Variants in PCP4L1 observed in about 807,000 individuals in gnomAD.
PCP4L1 encodes Purkinje cell protein 4 like 1, also known as Purkinje cell protein 4-like protein 1.
Under a neutral mutation model 9.6 loss-of-function variants are expected in PCP4L1, and 9 were observed. The observed-to-expected ratio is 0.94, with a 90% CI of 0.57 to 1.64. The LOEUF (loss-of-function observed/expected upper bound fraction) is 1.64. Among genes scored for constraint, PCP4L1 ranks in the 40% most tolerant of loss-of-function variants. The pLI, the probability that PCP4L1 is intolerant of heterozygous loss-of-function variation, is 0.00. For synonymous variants in PCP4L1, 31 were observed against 28.2 expected, an observed-to-expected ratio of 1.10 and a Z score of -0.31; for missense variants, 81 against 80.8, an observed-to-expected ratio of 1.00 and a Z score of -0.01.
chr1:161,279,084 A>G (rs1669752381), intron 1 of PCP4L1, among the ~76,000 whole-genome samples: 1 of 152,210 alleles, frequency 6.6e-6, no homozygotes. Flanking sequence ...CATCTGGCCC[A>G]TGATGATTTT....
At chr1:161,281,974 C>T (rs2102243066) in intron 1 of PCP4L1, among the ~76,000 whole-genome samples, 1 of 152,278 alleles carries the variant, frequency 6.6e-6, no homozygotes, top group Middle Eastern at 3.4e-3. Flanking sequence ...TCCTCACTTC[C>T]CAGATGGGGT....
In PCP4L1 at chr1:161,258,922, C is replaced by T; in HGVS notation, c.-53C>T. 6.5e-7 allele frequency: 1 copy of T among 1,535,108 alleles called. No homozygotes were observed. The highest frequency in any genetic ancestry group is 8.7e-7 in the Non-Finnish European group (1 of 1,146,306). ...CTGTCGCCCGCGGAGCCCCGAGGGC[C>T]ACTCGCCTCACCTGTGCGTGCAGCG... is the stretch of plus-strand genomic sequence containing the variant. On this transcript the variant is annotated 5_prime_UTR_variant, in exon 1 of 3. Coordinates refer to ENST00000504449, the MANE Select transcript of PCP4L1 (RefSeq NM_001102566.2).
At chr1:161,282,252 C>G (rs557937572) in intron 1 of PCP4L1, among the ~76,000 whole-genome samples, 36 of 152,178 alleles carry the variant, frequency 2.4e-4, no homozygotes, top group African/African-American at 7.9e-4. Flanking sequence ...TCAGGCGTGG[C>G]GGCGCGCGCC....
Position 161,285,340 on chromosome 1 carries a change from T to C in PCP4L1, c.*859T>C, listed in dbSNP as rs930336689. 6.6e-6 allele frequency: 1 copy of C among 152,400 alleles called. No individual in the cohort carries two copies. Among genetic ancestry groups the C allele is most frequent in the African/African-American group, 2.4e-5 (1 of 41,440 alleles). The allele number at this position is 152,400 out of a possible 1,614,324, so 9.4% of individuals were successfully genotyped here. On this transcript the variant is annotated 3_prime_UTR_variant, in exon 3 of 3. Coordinates refer to ENST00000504449, the MANE Select transcript of PCP4L1 (RefSeq NM_001102566.2). ...ACCAAGTGACTCCTGTAGTTCCCAT[T>C]TGCCCCACTATGGAGTCAGGGCAAA...
At chr1:161,263,761 T>C (rs776391282) in intron 1 of PCP4L1, among the ~76,000 whole-genome samples, 32 of 151,460 alleles carry the variant, frequency 2.1e-4, no homozygotes, top group Admixed American at 4.6e-4. Flanking sequence ...TTTTTTGTAT[T>C]TTTTGTAGAG....
intron 1 of PCP4L1, among the ~76,000 whole-genome samples, chr1:161,280,719 C>T (rs2102241388): frequency 6.6e-6 from 1 of 152,322 alleles, no homozygotes; most frequent in East Asian, 1.9e-4. Flanking sequence ...TAGTCATTCT[C>T]TACTCCCTGA....
intron 1 of PCP4L1, among the ~76,000 whole-genome samples, chr1:161,260,319 C>T (rs1193810352): frequency 6.6e-6 from 1 of 152,152 alleles, no homozygotes; most frequent in Non-Finnish European, 1.5e-5. Context: ...GCAGATGAAC[C>T]AAAGTGGTTT....
intron 1 of PCP4L1, among the ~76,000 whole-genome samples, chr1:161,266,480 G>A (rs572343661): frequency 2.0e-5 from 3 of 152,194 alleles, no homozygotes; most frequent in Non-Finnish European, 4.4e-5. Flanking sequence ...GCCCATGCTG[G>A]GGGGAACAGG....
chr1:161,282,373 C>T (rs890997313), intron 1 of PCP4L1, among the ~76,000 whole-genome samples: 9 of 104,090 alleles, frequency 8.6e-5, no homozygotes, highest in African/African-American at 2.5e-4. Flanking sequence ...AGAGGGAGAG[C>T]GTGGAAAGAG....
intron 1 of PCP4L1, among the ~76,000 whole-genome samples, chr1:161,279,839 AT>A (rs1023494324): frequency 2.0e-5 from 3 of 151,436 alleles, no homozygotes; most frequent in East Asian, 1.9e-4. Flanking sequence ...GGGAATTACT[AT>A]TTTTTTTTAA....
At chr1:161,264,848 A>G (rs981571791) in intron 1 of PCP4L1, among the ~76,000 whole-genome samples, 2 of 152,178 alleles carry the variant, frequency 1.3e-5, no homozygotes, top group African/African-American at 4.8e-5. Flanking sequence ...CGAAAAAGAA[A>G]TATAAGCAGT....
intron 1 of PCP4L1, among the ~76,000 whole-genome samples, chr1:161,281,099 C>T (rs1669787831): frequency 6.6e-6 from 1 of 152,084 alleles, no homozygotes; most frequent in Non-Finnish European, 1.5e-5. Context: ...TTGCACCGCC[C>T]CTAATCCATT....
intron 1 of PCP4L1, among the ~76,000 whole-genome samples, chr1:161,281,624 C>T (rs1221118633): frequency 6.6e-6 from 1 of 151,870 alleles, no homozygotes; most frequent in Non-Finnish European, 1.5e-5. Context: ...CCACCTCCCT[C>T]CCGGACGGGG....
At chr1:161,262,939 T>C (rs1669444974) in intron 1 of PCP4L1, among the ~76,000 whole-genome samples, 2 of 152,210 alleles carry the variant, frequency 1.3e-5, no homozygotes, top group African/African-American at 4.8e-5. Flanking sequence ...ATAAACTTAG[T>C]TCTGCAAAAA....
chr1:161,262,786 T>C (rs1004657254), intron 1 of PCP4L1, among the ~76,000 whole-genome samples: 3 of 152,196 alleles, frequency 2.0e-5, no homozygotes, highest in African/African-American at 7.2e-5. Flanking sequence ...GTGGTGGAGA[T>C]AGAGTTGCAG....
intron 1 of PCP4L1, among the ~76,000 whole-genome samples, chr1:161,281,940 C>G (rs1242294943): frequency 6.7e-6 from 1 of 150,308 alleles, no homozygotes; most frequent in Non-Finnish European, 1.5e-5. Flanking sequence ...ACATCCCAGA[C>G]GATGGGCGGC....
intron 1 of PCP4L1, among the ~76,000 whole-genome samples, chr1:161,259,618 C>A (rs576485637): frequency 6.6e-6 from 1 of 152,288 alleles, no homozygotes; most frequent in South Asian, 2.1e-4. Context: ...GTGGTGTTCA[C>A]CGTGGCCAGA....
intron 1 of PCP4L1, among the ~76,000 whole-genome samples, chr1:161,269,371 G>A (rs778434914): frequency 2.6e-5 from 4 of 152,134 alleles, no homozygotes; most frequent in Admixed American, 6.5e-5. Context: ...TAAAGTGAAG[G>A]AAAGCAATGA....
At chr1:161,274,597 G>A (rs1015382697) in intron 1 of PCP4L1, among the ~76,000 whole-genome samples, 3 of 152,162 alleles carry the variant, frequency 2.0e-5, no homozygotes, top group East Asian at 3.8e-4. Context: ...TTGCAGATGC[G>A]TATACCAGAG....
Sources: allele counts gnomAD v4.1 joint callset (sites outside exome capture counted in the v4.1 genomes callset), GRCh38; gene constraint gnomAD v4.1.1; transcripts MANE v1.5; gene names NCBI Gene and HGNC (gene_info 2026-07-23, HGNC 2026-07-21).